The following MYOF variants were observed in gnomAD, a reference collection of about 807,000 sequenced individuals.
The protein encoded by MYOF is myoferlin.
Under a neutral mutation model 284.2 loss-of-function variants are expected in MYOF, and 244 were observed. The ratio of observed to expected loss-of-function variants is 0.86; its 90% confidence interval spans 0.77 to 0.95. MYOF has a LOEUF of 0.95. Ranked by LOEUF, MYOF falls within the 40% of genes least tolerant of loss-of-function variation. MYOF has a pLI of 0.00. For missense variants in MYOF, 2,496 were observed against 2,560.6 expected, an observed-to-expected ratio of 0.97 and a Z score of 0.54; for synonymous variants, 904 against 919.7, an observed-to-expected ratio of 0.98 and a Z score of 0.31.
intron 50 of MYOF, among the ~76,000 whole-genome samples, chr10:93,315,717 A>G (rs908700343): frequency 5.9e-5 from 9 of 152,122 alleles, no homozygotes; most frequent in Non-Finnish European, 1.2e-4. Context: ...CTTTGTGGAA[A>G]GGTGAGAGTT....
intron 36 of MYOF, 31 bp from the exon 37 acceptor site, chr10:93,347,813 C>G (rs1452105691): frequency 6.3e-7 from 1 of 1,596,814 alleles, no homozygotes; most frequent in Non-Finnish European, 8.6e-7. Flanking sequence ...TTTCATTTCT[C>G]AAGACCAGAC....
At chr10:93,340,252 G>A (rs1275167362) in intron 38 of MYOF, 88 bp from the exon 39 acceptor site, 2 of 1,393,444 alleles carry the variant, frequency 1.4e-6, no homozygotes, top group East Asian at 2.3e-5. Flanking sequence ...GAAGTTTAAA[G>A]AGAAAGAAGC....
At chr10:93,459,132 C>T (rs150140415) in intron 1 of MYOF, among the ~76,000 whole-genome samples, 6 of 152,310 alleles carry the variant, frequency 3.9e-5, no homozygotes, top group African/African-American at 1.2e-4. Context: ...TCTATGTGGC[C>T]TACAGAGCCC....
intron 39 of MYOF, among the ~76,000 whole-genome samples, chr10:93,338,980 G>C (rs1010576587): frequency 6.7e-6 from 1 of 150,360 alleles, no homozygotes; most frequent in Non-Finnish European, 1.5e-5. Context: ...GAGCCTCTTG[G>C]GGGAAAGGAA....
chr10:93,450,147 A>T (rs1188015422), intron 3 of MYOF, among the ~76,000 whole-genome samples: 1 of 152,164 alleles, frequency 6.6e-6, no homozygotes, highest in African/African-American at 2.4e-5. Context: ...TAATCCCAGC[A>T]CTTTGGGAAG....
At chr10:93,326,301 G>A (rs74149594) in intron 45 of MYOF, among the ~76,000 whole-genome samples, 6,602 of 152,270 alleles carry the variant, frequency 0.043, 495 homozygotes, top group African/African-American at 0.15. Context: ...GAGGCCATGT[G>A]ACCAAGTTCA....
chr10:93,347,529 G>C (rs868772850), intron 37 of MYOF, 88 bp downstream of exon 37: 4 of 1,216,932 alleles, frequency 3.3e-6, no homozygotes, highest in Admixed American at 7.0e-5. Context: ...TCCGCAGTCC[G>C]GCCTGGGCGA....
intron 48 of MYOF, among the ~76,000 whole-genome samples, chr10:93,321,342 T>C (rs1289592165): frequency 6.6e-6 from 1 of 151,940 alleles, no homozygotes; most frequent in African/African-American, 2.4e-5. Flanking sequence ...TCAACTGCAG[T>C]AGTTTTCCTT....
chr10:93,318,257 CAAAAAATACAAA>C (rs1564613735), intron 49 of MYOF, among the ~76,000 whole-genome samples: 1 of 151,644 alleles, frequency 6.6e-6, no homozygotes, highest in Non-Finnish European at 1.5e-5. Context: ...CTTATCTCTA[CAAAAAATACAAA>C]AATTAGCCAG....
intron 48 of MYOF, 30 bp downstream of exon 48, chr10:93,323,048 T>C (rs1173910909): frequency 6.3e-7 from 1 of 1,586,322 alleles, no homozygotes; most frequent in Non-Finnish European, 8.7e-7. Context: ...TTCCCTGAGC[T>C]TGGCAAAGTC....
chr10:93,347,652 T>C lies in MYOF; in HGVS notation c.4214A>G (p.Tyr1405Cys), dbSNP rs1025854436. Residue 1405 changes from tyrosine to cysteine, a missense_variant, in exon 37 of 54, where the codon TAT (tyrosine) becomes TGT (cysteine). Around this residue, in one of 3 missense-constraint regions of MYOF, gnomAD observed 2,436 missense variants for 2,480.7 expected, o/e 0.98. Transcript: ENST00000359263. ...ERLDRFRCDP[Y>C]AGKEDIVPQL... ...TGGGACGATGTCCTCTTTCCCTGCA[T>C]AAGGGTCACAGCGAAAGCGGTCCAG... The C allele has an allele frequency of 8.7e-6, 14 of 1,613,244 alleles. No individual in the cohort carries two copies. Among genetic ancestry groups the C allele is most frequent in the Non-Finnish European group, 1.2e-5 (14 of 1,179,756 alleles).
chr10:93,425,826 T>A, intron 5 of MYOF: 1 of 539,796 alleles, frequency 1.9e-6, no homozygotes, highest in East Asian at 3.2e-5. Context: ...CATGTGCTTT[T>A]TGTGCTCACC....
intron 3 of MYOF, among the ~76,000 whole-genome samples, chr10:93,442,506 C>A (rs895605000): frequency 6.7e-6 from 1 of 149,524 alleles, no homozygotes; most frequent in Non-Finnish European, 1.5e-5. Flanking sequence ...ACACCTCTTA[C>A]ACAAGAACTG....
chr10:93,352,977 T>C (rs1381777613), intron 32 of MYOF, among the ~76,000 whole-genome samples: 9 of 152,330 alleles, frequency 5.9e-5, no homozygotes, highest in South Asian at 4.1e-4. Flanking sequence ...CGCTTCAAAA[T>C]TGATGTGAGC....
intron 1 of MYOF, among the ~76,000 whole-genome samples, chr10:93,459,959 C>T (rs559823043): frequency 6.6e-6 from 1 of 152,054 alleles, no homozygotes; most frequent in South Asian, 2.1e-4. Context: ...TGGATCTGGA[C>T]CCTGAGACCA....
chr10:93,387,235 C>T (rs565802680), intron 19 of MYOF, among the ~76,000 whole-genome samples: 21 of 152,268 alleles, frequency 1.4e-4, no homozygotes, highest in African/African-American at 4.1e-4. Context: ...GGGGGGCTGG[C>T]GGTGATTTGC....
At chr10:93,386,119 C>A (rs1330497630) in intron 19 of MYOF, among the ~76,000 whole-genome samples, 1 of 152,134 alleles carries the variant, frequency 6.6e-6, no homozygotes, top group Non-Finnish European at 1.5e-5. Flanking sequence ...TTCTGAATAA[C>A]CCTGAATTCC....
intron 37 of MYOF, among the ~76,000 whole-genome samples, chr10:93,345,231 C>T (rs987569997): frequency 1.3e-5 from 2 of 152,236 alleles, no homozygotes; most frequent in African/African-American, 4.8e-5. Context: ...ACTTTACTTA[C>T]ATGACCTCAC....
At chr10:93,342,250 G>A (rs1045288914) in intron 38 of MYOF, among the ~76,000 whole-genome samples, 6 of 152,104 alleles carry the variant, frequency 3.9e-5, no homozygotes, top group African/African-American at 1.4e-4. Context: ...TTGAGGAAGT[G>A]GTAATACATG....
Sources: gnomAD v4.1 joint callset for allele counts (sites outside exome capture counted in the v4.1 genomes callset) on GRCh38, gnomAD v4.1.1 for gene constraint, gnomAD v4.1.1 regional missense constraint, MANE v1.5 for transcripts, NCBI Gene and HGNC (gene_info 2026-07-23, HGNC 2026-07-21) for gene names.